Variants in GLDC observed in about 807,000 individuals in gnomAD.
The protein encoded by GLDC is glycine dehydrogenase (decarboxylating), mitochondrial.
GLDC carries 104 observed loss-of-function variants against 121.3 expected under a neutral mutation model. The ratio of observed to expected loss-of-function variants is 0.86; its 90% CI spans 0.73 to 1.01. The LOEUF (loss-of-function observed/expected upper bound fraction) is 1.01. GLDC is among the 50% of genes least tolerant of loss of function. The probability of loss-of-function intolerance (pLI) is 0.00; values close to 1 mark genes in which losing one functional copy is unlikely to be tolerated. For synonymous variants in GLDC, 546 were observed against 480.6 expected (o/e 1.14, Z -1.78); for missense variants, 1,429 against 1,306.6 (o/e 1.09, Z -1.44).
Position 6,534,704 on chromosome 9 carries a change from T to C in GLDC, c.2919+4A>G. 6.5e-7 allele frequency: 1 copy of C among 1,537,110 alleles called. No individual in the cohort carries two copies. The highest frequency in any genetic ancestry group is 9.0e-7 in the Non-Finnish European group (1 of 1,110,038). On this transcript the variant is annotated splice_donor_region_variant and intron_variant, in intron 24 of 24. Coordinates refer to ENST00000321612, the MANE Select transcript of GLDC (RefSeq NM_000170.3). ...GCTGGCACATTCAGATTCAGAGAAC[T>C]TACGAGTGGGAATGCTGCCACCTCT...
Position 6,605,197 on chromosome 9 carries a change from C to T in GLDC, c.795G>A (p.Gln265=). The T allele has an allele frequency of 1.2e-6, 2 of 1,613,716 alleles. No homozygotes were observed. The highest frequency in any genetic ancestry group is 1.7e-6 in the Non-Finnish European group (2 of 1,179,752). ...CCACCTTCCCCTCCGTGTCTGGGTACTGGAACAACACTCCACTGACATCTT... is the reference window on the plus strand; with the variant it reads ...CCACCTTCCCCTCCGTGTCTGGGTATTGGAACAACACTCCACTGACATCTT... The part of the protein sequence containing the change: ...SGKDVSGVLF[Q]YPDTEGKVED... Residue 265 remains glutamine, a synonymous_variant, in exon 6 of 25, where the codon CAG becomes CAA. Coordinates refer to ENST00000321612, the MANE Select transcript of GLDC (RefSeq NM_000170.3).
intron 2 of GLDC, among the ~76,000 whole-genome samples, chr9:6,635,355 A>G (rs1819479920): frequency 6.6e-6 from 1 of 152,208 alleles, no homozygotes; most frequent in Admixed American, 6.6e-5. Context: ...AGGTGATAGC[A>G]AACACCAATC....
chr9:6,546,952 ACT>A (rs1172802243), intron 21 of GLDC, among the ~76,000 whole-genome samples: 2 of 151,956 alleles, frequency 1.3e-5, no homozygotes, highest in East Asian at 3.9e-4. Flanking sequence ...ACCAAGCGAG[ACT>A]CTGTCTCAAA....
chr9:6,538,401 C>G (rs565660964), intron 22 of GLDC, among the ~76,000 whole-genome samples: 3 of 152,212 alleles, frequency 2.0e-5, no homozygotes, highest in Admixed American at 2.0e-4. Context: ...CCTGAAAAGA[C>G]TCACACAGAA....
intron 15 of GLDC, among the ~76,000 whole-genome samples, chr9:6,577,111 G>C (rs1453145172): frequency 6.6e-6 from 1 of 152,216 alleles, no homozygotes; most frequent in Non-Finnish European, 1.5e-5. Context: ...GAAATGCCCT[G>C]GATGAGAAGA....
At chr9:6,634,221 T>C (rs1819451816) in intron 2 of GLDC, among the ~76,000 whole-genome samples, 1 of 151,734 alleles carries the variant, frequency 6.6e-6, no homozygotes, top group Non-Finnish European at 1.5e-5. Context: ...AGTAAGACTC[T>C]GTCTCAAAAA....
intron 23 of GLDC, 95 bp from the exon 24 acceptor site, chr9:6,534,883 C>G (rs1817089116): frequency 2.7e-6 from 2 of 736,738 alleles, no homozygotes; most frequent in Non-Finnish European, 5.0e-6. Context: ...GACAGGAGCC[C>G]AGGCAGAGAA....
chr9:6,592,763 T>C (rs1010807957), intron 10 of GLDC, 88 bp downstream of exon 10: 2 of 1,336,860 alleles, frequency 1.5e-6, no homozygotes, highest in Non-Finnish European at 2.1e-6. Context: ...TTTTCCTTTT[T>C]ATTTTTTAAA....
At position 6,610,369 on chromosome 9, in the gene GLDC, C is replaced by T. The variant is rs531284929; in HGVS notation, c.471-13G>A. On this transcript the variant is annotated splice_polypyrimidine_tract_variant and intron_variant, in intron 3 of 24. Coordinates refer to ENST00000321612, the MANE Select transcript of GLDC (RefSeq NM_000170.3). ...ATACTGGGTGATCCTGCAAGGGAAA[C>T]AAAAGGTCTTGTCCAAACTGACTGC... 1.9e-6 allele frequency: 3 copies of T among 1,613,762 alleles called. No individual in the cohort carries two copies. Among genetic ancestry groups the T allele is most frequent in the South Asian group, 1.1e-5 (1 of 91,042 alleles).
intron 3 of GLDC, among the ~76,000 whole-genome samples, chr9:6,611,329 G>A (rs7035557): frequency 0.12 from 18,870 of 152,204 alleles, 1,252 homozygotes; most frequent in Middle Eastern, 0.16. Context: ...AGGTCAAGGC[G>A]GGCGGATCAC....
chr9:6,595,065 G>C lies in GLDC; in HGVS notation c.1210C>G (p.Leu404Val), dbSNP rs781450542. ...MFAIYHGSHGLEHIARRVHNA... is the reference protein window; with the variant it reads ...MFAIYHGSHGVEHIARRVHNA... ...TGTACCCTCCTAGCAATATGCTCCA[G>C]CCCATGGGAACCATGGTAGATTGCA... Residue 404 changes from leucine (L) to valine (V), a missense_variant, in exon 9 of 25, where the codon CTG becomes GTG. Leu to Val is a conservative substitution (Grantham distance 32, BLOSUM62 1). Transcript: ENST00000321612. 1 of 1,613,206 alleles carries C rather than the reference G, an allele frequency of 6.2e-7. No homozygotes were observed. Among genetic ancestry groups the C allele is most frequent in the Non-Finnish European group, 8.5e-7 (1 of 1,179,184 alleles).
At chr9:6,611,063 A>G (rs944581395) in intron 3 of GLDC, among the ~76,000 whole-genome samples, 2 of 152,230 alleles carry the variant, frequency 1.3e-5, no homozygotes, top group Non-Finnish European at 2.9e-5. Context: ...AACCAGGAGA[A>G]GTTCTACATG....
intron 22 of GLDC, among the ~76,000 whole-genome samples, chr9:6,537,904 G>A (rs1335320628): frequency 6.6e-6 from 1 of 152,200 alleles, no homozygotes; most frequent in Non-Finnish European, 1.5e-5. Flanking sequence ...CCAGCCATCC[G>A]TCTTACTTTC....
At chr9:6,605,853 C>T (rs571435280) in intron 5 of GLDC, 2 of 190,706 alleles carry the variant, frequency 1.0e-5, no homozygotes, top group Non-Finnish European at 2.2e-5. Context: ...ACACTTTAAA[C>T]TACATAGCAT....
chr9:6,644,035 A>AAAAAAAAAC (rs1447324163), intron 2 of GLDC, among the ~76,000 whole-genome samples: 2 of 147,642 alleles, frequency 1.4e-5, no homozygotes, highest in African/African-American at 5.0e-5. Flanking sequence ...GTCTCAAAAA[A>AAAAAAAAAC]AAAAAAAAAA....
At chr9:6,643,052 C>T (rs1460787053) in intron 2 of GLDC, among the ~76,000 whole-genome samples, 1 of 152,078 alleles carries the variant, frequency 6.6e-6, no homozygotes, top group Non-Finnish European at 1.5e-5. Flanking sequence ...CGCACACCAC[C>T]ACACCCGGCT....
chr9:6,600,133 A>G (rs1233913505), intron 8 of GLDC, among the ~76,000 whole-genome samples: 1 of 152,172 alleles, frequency 6.6e-6, no homozygotes, highest in African/African-American at 2.4e-5. Context: ...ATGGGAGGCC[A>G]AGATAGGATC....
At chr9:6,627,984 A>G (rs1211161477) in intron 2 of GLDC, among the ~76,000 whole-genome samples, 1 of 152,224 alleles carries the variant, frequency 6.6e-6, no homozygotes, top group Non-Finnish European at 1.5e-5. Context: ...CAAGATAGCA[A>G]TAGATGCAGA....
rs1437239484 is a variant in GLDC at position 6,558,356 on chromosome 9, G to A, written c.2052+203C>T. 12 of 702,546 alleles carry A rather than the reference G, an allele frequency of 1.7e-5. No individual in the cohort carries two copies. The South Asian group carries it at 2.0e-4, about 12-fold the overall frequency. 43.5% of individuals were successfully genotyped at this position (702,546 alleles called of 1,614,324 possible). On this transcript the variant is annotated intron_variant, in intron 17 of 24. Transcript: ENST00000321612. ...ACTACCACCATGAATAATTCATTCA[G>A]TTTTTTACACAAGCTGGAATTAGAA...
Sources: allele counts gnomAD v4.1 joint callset (sites outside exome capture counted in the v4.1 genomes callset), GRCh38; gene constraint gnomAD v4.1.1; transcripts MANE v1.5; gene names NCBI Gene and HGNC (gene_info 2026-07-23, HGNC 2026-07-21).